Variants in TENM1 observed in about 807,000 individuals in gnomAD.
The protein encoded by TENM1 is teneurin-1.
In TENM1, 35 loss-of-function variants were observed where a neutral mutation model predicts 174.8. The observed-to-expected ratio is 0.20, with a 90% CI of 0.15 to 0.27. TENM1 has a LOEUF of 0.27. TENM1 is among the 10% of genes least tolerant of loss of function. The pLI is 1.00. For synonymous variants in TENM1, 781 were observed against 798.7 expected (o/e 0.98, Z 0.37); for missense variants, 1,633 against 2,130.1 (o/e 0.77, Z 4.59).
chrX:124,866,491 T>C (rs2057009934), intron 3 of TENM1, among the ~76,000 whole-genome samples: 1 of 111,211 alleles, frequency 9.0e-6, no homozygotes, highest in South Asian at 3.8e-4. Flanking sequence ...TACCAAAACC[T>C]ATGGGACACA....
chrX:124,870,368 C>T (rs934557586), intron 3 of TENM1, among the ~76,000 whole-genome samples: 2 of 111,196 alleles, frequency 1.8e-5, no homozygotes, highest in South Asian at 3.8e-4. Context: ...TGGAAACAGA[C>T]AATAAACAAT....
At chrX:124,595,468 T>C (rs1449163714) in intron 11 of TENM1, among the ~76,000 whole-genome samples, 2 of 112,185 alleles carry the variant, frequency 1.8e-5, no homozygotes, top group African/African-American at 3.2e-5. Context: ...TTTCCAATTA[T>C]GTAAAATATT....
At chrX:125,124,052 A>G in the TENM1 span, among the ~76,000 whole-genome samples, 1 of 112,523 alleles carries the variant, frequency 8.9e-6, no homozygotes, top group Non-Finnish European at 1.9e-5. Flanking sequence ...GGGGATAAAA[A>G]TAACTACTGC....
chrX:124,752,850 A>G (rs1425399309), intron 3 of TENM1, among the ~76,000 whole-genome samples: 1 of 110,129 alleles, frequency 9.1e-6, no homozygotes, highest in Non-Finnish European at 1.9e-5. Context: ...CCATTGGTCT[A>G]TATCTCTGTT....
chrX:124,699,940 A>G (rs751793413), intron 5 of TENM1, among the ~76,000 whole-genome samples: 17 of 111,707 alleles, frequency 1.5e-4, no homozygotes, highest in African/African-American at 5.5e-4. Context: ...GCTAATATAA[A>G]AACTGTCAGT....
At chrX:124,759,965 C>T (rs1386025116) in intron 3 of TENM1, among the ~76,000 whole-genome samples, 1 of 111,381 alleles carries the variant, frequency 9.0e-6, no homozygotes, top group Admixed American at 9.5e-5. Flanking sequence ...GCTTTCAAGC[C>T]TATAATAGCC....
chrX:125,158,828 AAT>A, the TENM1 span, among the ~76,000 whole-genome samples: 1 of 111,867 alleles, frequency 8.9e-6, no homozygotes, highest in African/African-American at 3.3e-5. Context: ...TATAAAATAA[AAT>A]ATGTTTATGA....
the TENM1 span, among the ~76,000 whole-genome samples, chrX:125,102,464 A>C: frequency 8.9e-6 from 1 of 111,733 alleles, no homozygotes; most frequent in Non-Finnish European, 1.9e-5. Flanking sequence ...TTCAGCAGTA[A>C]AAGAATCTAC....
the TENM1 span, among the ~76,000 whole-genome samples, chrX:125,050,843 T>G: frequency 8.9e-6 from 1 of 111,787 alleles, no homozygotes; most frequent in Non-Finnish European, 1.9e-5. Flanking sequence ...GACTTTTTAA[T>G]GATCGCCATT....
chrX:124,497,235 A>C, exon 20 of TENM1: 3 of 1,208,704 alleles, frequency 2.5e-6, no homozygotes, highest in Non-Finnish European at 3.4e-6. Flanking sequence ...GGAAATGAAC[A>C]TATTTTCTCC....
At chrX:125,171,380 A>G in the TENM1 span, among the ~76,000 whole-genome samples, 4 of 110,722 alleles carry the variant, frequency 3.6e-5, no homozygotes, top group Non-Finnish European at 7.6e-5. Flanking sequence ...TGTAATATTA[A>G]TTCAATTTAA....
the TENM1 span, among the ~76,000 whole-genome samples, chrX:125,158,200 G>C: frequency 6.4e-5 from 7 of 109,081 alleles, no homozygotes; most frequent in Admixed American, 4.9e-4. Flanking sequence ...GTCAAGAGAT[G>C]GAGACCATCC....
chrX:124,672,918 C>T (rs1706974987), intron 5 of TENM1, among the ~76,000 whole-genome samples: 1 of 111,910 alleles, frequency 8.9e-6, no homozygotes, highest in South Asian at 3.7e-4. Flanking sequence ...GAATATATAG[C>T]AACATGTTAA....
At chrX:125,074,443 A>G in the TENM1 span, among the ~76,000 whole-genome samples, 2 of 109,203 alleles carry the variant, frequency 1.8e-5, no homozygotes, top group African/African-American at 6.7e-5. Flanking sequence ...ACCATCTACA[A>G]TCTTCCCCAG....
chrX:124,890,959 T>C (rs1018499783), intron 3 of TENM1, among the ~76,000 whole-genome samples: 1 of 111,942 alleles, frequency 8.9e-6, no homozygotes, highest in Admixed American at 9.5e-5. Context: ...TATAATATTA[T>C]TCAGCCATTA....
the TENM1 span, among the ~76,000 whole-genome samples, chrX:125,202,527 C>T: frequency 1.8e-5 from 2 of 111,904 alleles, no homozygotes; most frequent in African/African-American, 3.3e-5. Flanking sequence ...CGTTTACTGA[C>T]CAATTGCTTC....
At chrX:124,756,901 C>T (rs768679700) in intron 3 of TENM1, among the ~76,000 whole-genome samples, 6 of 111,972 alleles carry the variant, frequency 5.4e-5, no homozygotes, top group African/African-American at 1.9e-4. Context: ...TGTGCCCCTA[C>T]TGGGGGGTGC....
exon 12 of TENM1, chrX:124,565,487 T>C: frequency 8.3e-7 from 1 of 1,209,924 alleles, no homozygotes; most frequent in East Asian, 3.0e-5. Context: ...ATGTTGGTCC[T>C]ACCCAGCCTT....
intron 1 of TENM1, among the ~76,000 whole-genome samples, chrX:124,913,891 T>G (rs189793942): frequency 8.3e-4 from 93 of 112,073 alleles, no homozygotes; most frequent in Middle Eastern, 4.6e-3. Context: ...ATAATGGTTA[T>G]TCTAGTGCTT....
Sources: gnomAD v4.1 joint callset for allele counts (sites outside exome capture counted in the v4.1 genomes callset) on GRCh38, gnomAD v4.1.1 for gene constraint, MANE v1.5 for transcripts, NCBI Gene and HGNC (gene_info 2026-07-23, HGNC 2026-07-21) for gene names.